The following DAB1 variants were observed in gnomAD, a reference collection of about 807,000 sequenced individuals.
The protein encoded by DAB1 is disabled homolog 1.
DAB1 carries 15 observed loss-of-function variants against 64.6 expected under a neutral mutation model. The observed-to-expected ratio is 0.23, with a 90% CI of 0.16 to 0.36. The LOEUF is 0.36. DAB1 is among the 10% of genes least tolerant of loss of function. The probability of loss-of-function intolerance (pLI) is 1.00; values close to 1 mark genes in which losing one functional copy is unlikely to be tolerated. For missense variants in DAB1, 596 were observed against 706.7 expected, an observed-to-expected ratio of 0.84 and a Z score of 1.78; for synonymous variants, 235 against 251.9, an observed-to-expected ratio of 0.93 and a Z score of 0.64.
At chr1:58,453,915 T>C (rs371841364) in intron 3 of DAB1, among the ~76,000 whole-genome samples, 121 of 152,216 alleles carry the variant, frequency 7.9e-4, no homozygotes, top group African/African-American at 2.7e-3. Context: ...CTTTTCCCCA[T>C]GGGTCTGCTC....
rs145190153 is a variant in DAB1, at chr1:57,580,325, G to T, written n.625+69267C>A. On this transcript the variant is annotated intron_variant and non_coding_transcript_variant, in intron 7 of 20. Transcript: ENST00000485760. ...CATCCCATTCTGCTTGTACATCTCC[G>T]GGGAGACAAAGCTTCCTGCCTTACC... is the stretch of plus-strand genomic sequence containing the variant. 2.7e-3 allele frequency among the ~76,000 whole-genome samples: 408 copies of T among 152,098 alleles called. 1 individual carries two copies. The highest frequency in any genetic ancestry group is 9.3e-3 in the African/African-American group (385 of 41,508).
intron 3 of DAB1, among the ~76,000 whole-genome samples, chr1:58,481,873 T>C (rs747504056): frequency 1.3e-5 from 2 of 152,218 alleles, no homozygotes; most frequent in African/African-American, 4.8e-5. Context: ...TCCACCATGA[T>C]TGTGAGGCCA....
chr1:58,052,725 G>T (rs1647765488), intron 5 of DAB1, among the ~76,000 whole-genome samples: 1 of 152,142 alleles, frequency 6.6e-6, no homozygotes, highest in South Asian at 2.1e-4. Context: ...ATTTCATTGA[G>T]CAGTGGTTTG....
chr1:57,108,922 C>G (rs1160333254), intron 4 of DAB1, among the ~76,000 whole-genome samples: 1 of 152,168 alleles, frequency 6.6e-6, no homozygotes, highest in East Asian at 1.9e-4. Flanking sequence ...ACTGTCATGC[C>G]AGGTTGCACC....
intron 4 of DAB1, among the ~76,000 whole-genome samples, chr1:57,104,884 G>T (rs1470344652): frequency 6.6e-6 from 1 of 152,174 alleles, no homozygotes; most frequent in East Asian, 1.9e-4. Flanking sequence ...TGGGATGCCA[G>T]CTCAGAGAGA....
chr1:57,271,589 T>C (rs1489394593), intron 2 of DAB1, among the ~76,000 whole-genome samples: 1 of 152,170 alleles, frequency 6.6e-6, no homozygotes, highest in Non-Finnish European at 1.5e-5. Context: ...TCAGGGGACA[T>C]GGTCTGGTAG....
chr1:58,358,452 G>GA (rs1644131761), intron 3 of DAB1, among the ~76,000 whole-genome samples: 1 of 152,156 alleles, frequency 6.6e-6, no homozygotes, highest in Admixed American at 6.5e-5. Context: ...CTAGTTAAGG[G>GA]AAAACAACTC....
At chr1:57,201,634 C>T (rs1665106647) in intron 2 of DAB1, among the ~76,000 whole-genome samples, 3 of 152,128 alleles carry the variant, frequency 2.0e-5, no homozygotes, top group Admixed American at 2.0e-4. Context: ...GTGGATTCAG[C>T]AGGAACAAAA....
chr1:57,116,200 C>T (rs898292459), intron 4 of DAB1, among the ~76,000 whole-genome samples: 9 of 151,360 alleles, frequency 5.9e-5, no homozygotes, highest in Non-Finnish European at 1.2e-4. Flanking sequence ...CGTGGTGGCT[C>T]ACCCTGTAAT....
intron 2 of DAB1, among the ~76,000 whole-genome samples, chr1:57,264,644 T>C (rs1176999511): frequency 6.6e-6 from 1 of 152,142 alleles, no homozygotes; most frequent in African/African-American, 2.4e-5. Context: ...CCCTAGAGAA[T>C]GAGGACCCCT....
chr1:57,661,655 G>A (rs1243735587), intron 6 of DAB1, among the ~76,000 whole-genome samples: 1 of 151,936 alleles, frequency 6.6e-6, no homozygotes, highest in East Asian at 1.9e-4. Flanking sequence ...ATAAAATGGA[G>A]TATTACTTAC....
intron 1 of DAB1, among the ~76,000 whole-genome samples, chr1:57,842,000 T>C (rs774873104): frequency 4.6e-5 from 7 of 152,200 alleles, no homozygotes; most frequent in Non-Finnish European, 7.3e-5. Flanking sequence ...TGCTTCCTTT[T>C]TAAACGTAAG....
upstream of DAB1, among the ~76,000 whole-genome samples, chr1:57,426,464 G>A (rs1294615543): frequency 6.6e-6 from 1 of 152,136 alleles, no homozygotes; most frequent in Non-Finnish European, 1.5e-5. Context: ...AACATGTCAT[G>A]AAATAAGTCA....
chr1:57,758,120 T>C (rs1344270466), intron 6 of DAB1, among the ~76,000 whole-genome samples: 2 of 152,160 alleles, frequency 1.3e-5, no homozygotes, highest in East Asian at 1.9e-4. Flanking sequence ...TTTTACTTTA[T>C]AGAATTAAAT....
chr1:58,307,294 G>T (rs924507262), intron 4 of DAB1, among the ~76,000 whole-genome samples: 4 of 152,212 alleles, frequency 2.6e-5, no homozygotes, highest in Non-Finnish European at 5.9e-5. Flanking sequence ...CAGGCAGTCT[G>T]TTAGACACTG....
intron 1 of DAB1, among the ~76,000 whole-genome samples, chr1:57,412,650 A>G (rs1280252445): frequency 6.6e-6 from 1 of 152,234 alleles, no homozygotes; most frequent in East Asian, 1.9e-4. Flanking sequence ...CCTTAAACCA[A>G]ATCCTGATTT....
At chr1:58,411,176 A>C (rs999099132) in intron 3 of DAB1, among the ~76,000 whole-genome samples, 1 of 152,154 alleles carries the variant, frequency 6.6e-6, no homozygotes. Flanking sequence ...TATCTGAACA[A>C]CAGATATTTA....
In DAB1 at chr1:58,251,989, AC is replaced by A. The variant is rs766092420; in HGVS notation, n.309+91362del. On this transcript the variant is annotated intron_variant and non_coding_transcript_variant, in intron 4 of 20. Coordinates refer to the DAB1 transcript ENST00000485760. Reference sequence around the variant, plus strand: ...AGGAAAAAAAGGCCACTGGACAGCTACCCTGGGGGTCTGGGTATGAGTTTCT... The same window carrying A: ...AGGAAAAAAAGGCCACTGGACAGCTACCTGGGGGTCTGGGTATGAGTTTCT... Among the ~76,000 whole-genome samples the A allele has an allele frequency of 6.4e-4, 97 of 152,258 alleles. No homozygotes were observed. In the Middle Eastern group the frequency reaches 0.02, roughly 32 times the overall value.
intron 4 of DAB1, among the ~76,000 whole-genome samples, chr1:58,320,133 A>C (rs1283907740): frequency 2.0e-5 from 3 of 152,352 alleles, no homozygotes; most frequent in Admixed American, 2.0e-4. Context: ...ATCTTAGTGA[A>C]GAACATAGAG....
Sources: allele counts gnomAD v4.1 joint callset (sites outside exome capture counted in the v4.1 genomes callset), GRCh38; gene constraint gnomAD v4.1.1; transcripts MANE v1.5; gene names NCBI Gene and HGNC (gene_info 2026-07-23, HGNC 2026-07-21).